SHROOM3: variants seen among roughly 807,000 people sequenced by gnomAD.
SHROOM3 encodes the protein protein Shroom3.
A neutral mutation model predicts 138.6 loss-of-function variants in SHROOM3; 47 were observed. The ratio of observed to expected loss-of-function variants is 0.34; its 90% CI spans 0.27 to 0.43. The LOEUF (loss-of-function observed/expected upper bound fraction) is 0.43. Ranked by LOEUF, SHROOM3 falls within the 20% of genes least tolerant of loss-of-function variation. The probability of loss-of-function intolerance (pLI) is 1.00; values close to 1 mark genes in which losing one functional copy is unlikely to be tolerated. For synonymous variants in SHROOM3, 1,062 were observed against 1,063.3 expected, an observed-to-expected ratio of 1.00 and a Z score of 0.02; for missense variants, 2,491 against 2,596.5, an observed-to-expected ratio of 0.96 and a Z score of 0.88.
At chr4:76,748,873 G>A (rs1176670980) in intron 5 of SHROOM3, 144 bp from the exon 6 acceptor site, 2 of 698,522 alleles carry the variant, frequency 2.9e-6, no homozygotes, top group South Asian at 2.9e-5. Flanking sequence ...GATGCCATGG[G>A]ATTATGTAAG....
intron 1 of SHROOM3, among the ~76,000 whole-genome samples, chr4:76,533,559 C>T (rs1349443919): frequency 6.6e-6 from 1 of 152,184 alleles, no homozygotes. Context: ...GGTGAAGAAT[C>T]TCTGGGCTTA....
At chr4:76,451,421 G>A (rs886409765) in intron 1 of SHROOM3, among the ~76,000 whole-genome samples, 3 of 152,158 alleles carry the variant, frequency 2.0e-5, no homozygotes, top group Admixed American at 6.5e-5. Context: ...GCACAACAAC[G>A]TATATTCTTA....
chr4:76,524,979 A>G (rs1732659455), intron 1 of SHROOM3, among the ~76,000 whole-genome samples: 1 of 152,202 alleles, frequency 6.6e-6, no homozygotes. Context: ...TGCAATTGCT[A>G]GATCATATGT....
intron 4 of SHROOM3, among the ~76,000 whole-genome samples, chr4:76,734,833 GATA>G (rs1047841280): frequency 2.7e-5 from 4 of 148,590 alleles, no homozygotes; most frequent in Admixed American, 2.0e-4. Context: ...AAAGGGATAT[GATA>G]TAATGTCAAG....
At chr4:76,625,997 C>G (rs187779412) in intron 2 of SHROOM3, among the ~76,000 whole-genome samples, 153 of 152,322 alleles carry the variant, frequency 1.0e-3, no homozygotes, top group African/African-American at 3.5e-3. Context: ...ATAGAGAACT[C>G]TCCTTAACTT....
At chr4:76,632,789 G>A (rs1272712343) in intron 2 of SHROOM3, among the ~76,000 whole-genome samples, 1 of 152,152 alleles carries the variant, frequency 6.6e-6, no homozygotes, top group Non-Finnish European at 1.5e-5. Context: ...GATCTGCTGT[G>A]TCTACTTGGG....
intron 1 of SHROOM3, among the ~76,000 whole-genome samples, chr4:76,477,679 G>T (rs1170551860): frequency 1.3e-5 from 2 of 152,194 alleles, no homozygotes; most frequent in African/African-American, 4.8e-5. Flanking sequence ...TGATTTTGTG[G>T]CTGGCAAGAT....
intron 2 of SHROOM3, among the ~76,000 whole-genome samples, chr4:76,569,292 G>A (rs573133024): frequency 2.0e-4 from 31 of 152,312 alleles, no homozygotes; most frequent in Non-Finnish European, 1.3e-4. Context: ...TGCTAATAAC[G>A]ATGGATATAA....
intron 5 of SHROOM3, among the ~76,000 whole-genome samples, chr4:76,748,700 T>A (rs529146046): frequency 6.6e-6 from 1 of 152,306 alleles, no homozygotes; most frequent in Non-Finnish European, 1.5e-5. Context: ...ATTTCAAGTT[T>A]AGCAGTTGTT....
chr4:76,563,952 G>A (rs771341278), intron 2 of SHROOM3, among the ~76,000 whole-genome samples: 17 of 152,286 alleles, frequency 1.1e-4, no homozygotes, highest in Admixed American at 2.6e-4. Context: ...TCCCCACCAC[G>A]TGCCACAGGA....
intron 2 of SHROOM3, among the ~76,000 whole-genome samples, chr4:76,594,627 T>C (rs1734344187): frequency 6.6e-6 from 1 of 152,242 alleles, no homozygotes; most frequent in Non-Finnish European, 1.5e-5. Context: ...CATAGTTTAA[T>C]TAATAAATCA....
chr4:76,754,946 G>A lies in SHROOM3; in HGVS notation c.4463G>A (p.Arg1488Gln), dbSNP rs779530717. 2.0e-5 allele frequency: 33 copies of A among 1,614,176 alleles called. No homozygotes were observed. Among genetic ancestry groups the A allele is most frequent in the Non-Finnish European group, 2.2e-5 (26 of 1,180,016 alleles). The change falls in exon 7 of 11, where the codon CGA becomes CAA. Residue 1488 changes from arginine (R) to glutamine (Q), a missense_variant. By Grantham distance (43) the Arg-to-Gln change is conservative. Around this residue, in one of 4 missense-constraint regions of SHROOM3, gnomAD observed 1,733 missense variants for 1,661.6 expected, o/e 1.04. Coordinates refer to ENST00000296043, the MANE Select transcript of SHROOM3 (RefSeq NM_020859.4). ...AGCACTCCAGGGAGGATCTCCCTCCGAATATCTGAGTCTGTCCTGCGGGAC... is the reference window on the plus strand; with the variant it reads ...AGCACTCCAGGGAGGATCTCCCTCCAAATATCTGAGTCTGTCCTGCGGGAC... ...APSTPGRISL[R>Q]ISESVLRDSP...
intron 2 of SHROOM3, among the ~76,000 whole-genome samples, chr4:76,648,254 G>C (rs1460089314): frequency 6.6e-6 from 1 of 152,158 alleles, no homozygotes; most frequent in Non-Finnish European, 1.5e-5. Context: ...CTTGAGTCCA[G>C]GAAGCTGAGG....
At chr4:76,586,465 T>C (rs773902674) in intron 2 of SHROOM3, 191 of 985,300 alleles carry the variant, frequency 1.9e-4, no homozygotes, top group Admixed American at 6.1e-4. Context: ...ATAGACTTCC[T>C]TAAGGTAAGT....
chr4:76,681,129 G>A (rs950059984), intron 2 of SHROOM3, among the ~76,000 whole-genome samples: 6 of 152,196 alleles, frequency 3.9e-5, no homozygotes, highest in African/African-American at 1.4e-4. Flanking sequence ...CCCTAGTGAT[G>A]TCACTTGCAG....
chr4:76,469,646 C>T (rs1233111580), intron 1 of SHROOM3, among the ~76,000 whole-genome samples: 1 of 152,000 alleles, frequency 6.6e-6, no homozygotes, highest in Non-Finnish European at 1.5e-5. Flanking sequence ...TAGTAGAGAC[C>T]GGGTTTCACC....
Position 76,568,623 on chromosome 4 carries a change from C to G in SHROOM3, c.323+12860C>G, listed in dbSNP as rs113541659. Among the ~76,000 whole-genome samples the G allele has an allele frequency of 5.7e-3, 870 of 152,240 alleles. 4 individuals carry two copies. Among genetic ancestry groups the G allele is most frequent in the African/African-American group, 0.02 (827 of 41,532 alleles). ...ATCTTCTTAGTAAGGTAGCCTGTCC[C>G]CAGCCCTTGTTCGGGAGTGAGGTCC... On this transcript the variant is annotated intron_variant, in intron 2 of 10. Transcript: ENST00000296043.
intron 2 of SHROOM3, among the ~76,000 whole-genome samples, chr4:76,573,960 C>A (rs137863814): frequency 1.4e-3 from 215 of 152,248 alleles, no homozygotes; most frequent in Non-Finnish European, 2.3e-3. Context: ...CCAGGCCAGA[C>A]CTACTCCAGT....
chr4:76,587,787 G>A (rs1321234940), intron 2 of SHROOM3, among the ~76,000 whole-genome samples: 2 of 152,120 alleles, frequency 1.3e-5, no homozygotes, highest in Non-Finnish European at 1.5e-5. Context: ...AAAATATAGT[G>A]TATATGCAAG....
Sources: gnomAD v4.1 joint callset for allele counts (sites outside exome capture counted in the v4.1 genomes callset) on GRCh38, gnomAD v4.1.1 for gene constraint, gnomAD v4.1.1 regional missense constraint, MANE v1.5 for transcripts, NCBI Gene and HGNC (gene_info 2026-07-23, HGNC 2026-07-21) for gene names.